SERPINA11: variants seen among roughly 807,000 people sequenced by gnomAD.
SERPINA11 encodes serpin A11.
SERPINA11 carries 28 observed loss-of-function variants against 29.4 expected under a neutral mutation model. That is an observed-to-expected ratio of 0.95 (90% confidence interval 0.70 to 1.30). The LOEUF is 1.30. Among genes scored for constraint, SERPINA11 ranks in the 50% most tolerant of loss-of-function variants. The probability of loss-of-function intolerance (pLI) is 0.00; values close to 1 mark genes in which losing one functional copy is unlikely to be tolerated. For missense variants in SERPINA11, 530 were observed against 507.3 expected (o/e 1.04, Z -0.43); for synonymous variants, 253 against 206.6 (o/e 1.22, Z -1.92).
intron 2 of SERPINA11, among the ~76,000 whole-genome samples, chr14:94,447,495 T>C (rs1898468326): frequency 6.6e-6 from 1 of 152,198 alleles, no homozygotes; most frequent in Non-Finnish European, 1.5e-5. Flanking sequence ...CCTTTCTCCC[T>C]TCCAAACCAC....
rs1288148459 is a variant in SERPINA11 at position 94,449,537 on chromosome 14, T to TTC, written c.-3-762_-3-761dup. Among the ~76,000 whole-genome samples, 43 of 148,236 alleles carry TTC rather than the reference T, an allele frequency of 2.9e-4. 2 individuals are homozygous for TTC. In the South Asian group the frequency reaches 3.8e-3, roughly 13 times the overall value. On this transcript the variant is annotated intron_variant, in intron 1 of 4. Coordinates refer to ENST00000334708, the MANE Select transcript of SERPINA11 (RefSeq NM_001080451.2). ...TCTTTCTTTCTTTCTTTTTCTTTCT[T>TTC]TCTTTCTCTTTCTCTTTCTTTCTTT...
At chr14:94,444,130 A>T (rs1898393403) in intron 3 of SERPINA11, among the ~76,000 whole-genome samples, 1 of 152,168 alleles carries the variant, frequency 6.6e-6, no homozygotes, top group African/African-American at 2.4e-5. Flanking sequence ...TCCCATAGGC[A>T]GCACTTGGGT....
chr14:94,442,909 G>A lies in SERPINA11; in HGVS notation c.1066-100C>T, dbSNP rs548132208. On this transcript the variant is annotated intron_variant, in intron 4 of 4. Coordinates refer to ENST00000334708, the MANE Select transcript of SERPINA11 (RefSeq NM_001080451.2). ...AAGAATAGAAGGGACCTAAGGAAGGGGAGGTAGAGAAGGAAAAGCCCATGA... is the reference window on the plus strand; with the variant it reads ...AAGAATAGAAGGGACCTAAGGAAGGAGAGGTAGAGAAGGAAAAGCCCATGA... 3.5e-5 allele frequency: 45 copies of A among 1,297,856 alleles called. No individual in the cohort carries two copies. In the East Asian group the frequency reaches 9.1e-4, roughly 26 times the overall value. 80.4% of individuals were successfully genotyped at this position (1,297,856 alleles called of 1,614,324 possible).
At chr14:94,451,679 A>G (rs1898589103) in intron 1 of SERPINA11, among the ~76,000 whole-genome samples, 1 of 152,184 alleles carries the variant, frequency 6.6e-6, no homozygotes, top group Non-Finnish European at 1.5e-5. Context: ...ACTGCCTCAT[A>G]CTGTGCAAAA....
chr14:94,452,600 C>CG (rs1898607867), intron 1 of SERPINA11, 129 bp downstream of exon 1: 1 of 39,356 alleles, frequency 2.5e-5, no homozygotes, highest in Non-Finnish European at 4.8e-5. Flanking sequence ...AAGCCAGGAA[C>CG]ACACACACAC....
chr14:94,446,693 CTATGCAAG>C (rs1898446274), intron 2 of SERPINA11, 89 bp from the exon 3 acceptor site: 14 of 1,357,830 alleles, frequency 1.0e-5, no homozygotes, highest in Non-Finnish European at 1.4e-5. Context: ...TTCCTCTTGG[CTATGCAAG>C]TATGTGGCAA....
chr14:94,448,943 C>G (rs190674270), intron 1 of SERPINA11, among the ~76,000 whole-genome samples, 166 bp from the exon 2 acceptor site: 138 of 152,304 alleles, frequency 9.1e-4, no homozygotes, highest in South Asian at 2.7e-3. Flanking sequence ...CACTTTCCTC[C>G]GAGGCTTCAG....
At chr14:94,443,333 A>G in intron 3 of SERPINA11, 108 bp from the exon 4 acceptor site, 8 of 1,021,528 alleles carry the variant, frequency 7.8e-6, no homozygotes, top group Non-Finnish European at 1.2e-5. Flanking sequence ...TCCCAGCGTG[A>G]GAAGCAACCA....
chr14:94,444,262 G>C (rs923286125), intron 3 of SERPINA11, among the ~76,000 whole-genome samples: 1 of 152,154 alleles, frequency 6.6e-6, no homozygotes, highest in Admixed American at 6.5e-5. Flanking sequence ...ATACACGAAT[G>C]GTGTGCCAGG....
chr14:94,449,948 A>G (rs977959353), intron 1 of SERPINA11, among the ~76,000 whole-genome samples: 3 of 152,180 alleles, frequency 2.0e-5, no homozygotes, highest in African/African-American at 7.2e-5. Context: ...CAAGAGAAAG[A>G]AGAGTGCCCT....
chr14:94,446,230 C>T (rs746893898), intron 3 of SERPINA11, 101 bp downstream of exon 3: 416 of 1,110,448 alleles, frequency 3.7e-4, no homozygotes, highest in Middle Eastern at 1.5e-3. Context: ...AGATGGTGAG[C>T]CTAATCGAGA....
At chr14:94,451,847 C>T (rs1205052351) in intron 1 of SERPINA11, among the ~76,000 whole-genome samples, 1 of 152,184 alleles carries the variant, frequency 6.6e-6, no homozygotes, top group Non-Finnish European at 1.5e-5. Context: ...TTCTATCAAG[C>T]CTGGGGTAAT....
chr14:94,451,921 T>C (rs556271910), intron 1 of SERPINA11, among the ~76,000 whole-genome samples: 2 of 152,354 alleles, frequency 1.3e-5, no homozygotes, highest in African/African-American at 4.8e-5. Context: ...AAGAACTATA[T>C]TCGTGAAGTA....
chr14:94,451,924 G>A (rs1043236081), intron 1 of SERPINA11, among the ~76,000 whole-genome samples: 14 of 152,050 alleles, frequency 9.2e-5, no homozygotes, highest in Admixed American at 5.2e-4. Context: ...AACTATATTC[G>A]TGAAGTATAA....
At chr14:94,445,757 C>G (rs1223049411) in intron 3 of SERPINA11, among the ~76,000 whole-genome samples, 1 of 151,774 alleles carries the variant, frequency 6.6e-6, no homozygotes, top group Non-Finnish European at 1.5e-5. Context: ...TTTCATTTTG[C>G]ATAGAGGCAG....
At chr14:94,449,401 T>TA (rs1236259540) in intron 1 of SERPINA11, among the ~76,000 whole-genome samples, 23 of 41,496 alleles carry the variant, frequency 5.5e-4, no homozygotes, top group African/African-American at 1.9e-3. Context: ...TCTTTCTTTC[T>TA]TTCTATTCTT....
chr14:94,448,988 G>C (rs1218301868), intron 1 of SERPINA11, among the ~76,000 whole-genome samples: 1 of 152,194 alleles, frequency 6.6e-6, no homozygotes, highest in East Asian at 1.9e-4. Flanking sequence ...TTTACATATA[G>C]TAGGTTTCTA....
chr14:94,448,186 G>A lies in SERPINA11; in HGVS notation c.589C>T (p.Pro197Ser), dbSNP rs756265934. 4 of 1,614,198 alleles carry A rather than the reference G, an allele frequency of 2.5e-6. No individual in the cohort carries two copies. The highest frequency in any genetic ancestry group is 1.1e-5 in the South Asian group (1 of 91,066). ...ATGAACGTGTCCTGGCTGAACTCCGGGAGGCAGTCCACGACTTGCCCGTAT... is the reference window on the plus strand; with the variant it reads ...ATGAACGTGTCCTGGCTGAACTCCGAGAGGCAGTCCACGACTTGCCCGTAT... ...QTYGQVVDCL[P>S]EFSQDTFMVL... is the part of the protein sequence containing the mutation. Residue 197 changes from proline to serine, a missense_variant, in exon 2 of 5, where the codon CCG (proline) becomes TCG (serine). Physicochemically the swap from Pro to Ser is moderately conservative, Grantham distance 74. Coordinates refer to ENST00000334708, the MANE Select transcript of SERPINA11 (RefSeq NM_001080451.2).
In SERPINA11 at chr14:94,448,471, C is replaced by G. The variant is rs992816708; in HGVS notation, c.304G>C (p.Gly102Arg). The G allele has an allele frequency of 6.2e-7, 1 of 1,614,022 alleles. No individual in the cohort carries two copies. Among genetic ancestry groups the G allele is most frequent in the African/African-American group, 1.3e-5 (1 of 74,902 alleles). The change falls in exon 2 of 5, where the codon GGC (glycine) becomes CGC (arginine). Residue 102 changes from glycine to arginine, a missense_variant. Gly to Arg is a moderately radical substitution (Grantham distance 125). Coordinates refer to ENST00000334708, the MANE Select transcript of SERPINA11 (RefSeq NM_001080451.2). The part of the protein sequence containing the change: ...QANTSALILE[G>R]LGFNLTETPE... ...GTTTCTGTGAGGTTGAATCCCAGGC[C>G]CTCCAGGATCAGAGCTGAGGTGTTA... is the stretch of plus-strand genomic sequence containing the variant.
Sources: gnomAD v4.1 joint callset for allele counts (sites outside exome capture counted in the v4.1 genomes callset) on GRCh38, gnomAD v4.1.1 for gene constraint, MANE v1.5 for transcripts, NCBI Gene and HGNC (gene_info 2026-07-23, HGNC 2026-07-21) for gene names.